XXYLT1: variants seen among roughly 807,000 people sequenced by gnomAD.
XXYLT1 encodes xyloside xylosyltransferase 1.
Under a neutral mutation model 28.9 loss-of-function variants are expected in XXYLT1, and 20 were observed. The ratio of observed to expected loss-of-function variants is 0.69; its 90% CI spans 0.49 to 1.00. The LOEUF (loss-of-function observed/expected upper bound fraction) is 1.00, where lower values mean the gene tolerates loss of function less well. Ranked by LOEUF, XXYLT1 falls within the 50% of genes least tolerant of loss-of-function variation. The pLI, the probability that XXYLT1 is intolerant of heterozygous loss-of-function variation, is 0.00. For missense variants in XXYLT1, 542 were observed against 560.1 expected, an observed-to-expected ratio of 0.97 and a Z score of 0.33; for synonymous variants, 257 against 253.8, an observed-to-expected ratio of 1.01 and a Z score of -0.12.
In XXYLT1 at chr3:195,236,801, G is replaced by A. The variant is rs150970889; in HGVS notation, c.505-9945C>T. ...TTATTCAGGGTCCAGGGGCTCTTTCGTCAGCAGGTGATGATTCCTGCCATT... is the reference window on the plus strand; with the variant it reads ...TTATTCAGGGTCCAGGGGCTCTTTCATCAGCAGGTGATGATTCCTGCCATT... On this transcript the variant is annotated intron_variant, in intron 1 of 3. Transcript: ENST00000310380. 5.9e-4 allele frequency among the ~76,000 whole-genome samples: 90 copies of A among 151,782 alleles called. 1 individual carries two copies. The East Asian group carries it at 6.6e-3, about 11-fold the overall frequency.
rs570371399 is a variant in XXYLT1 at position 195,165,910 on chromosome 3, C to T, written c.653-9329G>A. The stretch of plus-strand genomic sequence containing the variant: ...CATATTTTGCCTCATTGAATCCTCA[C>T]ACACAGGGCTTACTGTCCCCATTCT... On this transcript the variant is annotated intron_variant, in intron 2 of 3. Transcript: ENST00000310380. Among the ~76,000 whole-genome samples the T allele has an allele frequency of 1.1e-4, 17 of 152,280 alleles. No individual in the cohort carries two copies. The South Asian group carries it at 1.7e-3, about 15-fold the overall frequency.
At chr3:195,162,493 A>G (rs761913664) in intron 2 of XXYLT1, among the ~76,000 whole-genome samples, 3 of 152,248 alleles carry the variant, frequency 2.0e-5, no homozygotes, top group Non-Finnish European at 2.9e-5. Flanking sequence ...CCAGTTTCAT[A>G]TATTCGCTGT....
At chr3:195,229,373 T>TA (rs1335291416) in intron 1 of XXYLT1, among the ~76,000 whole-genome samples, 1 of 152,198 alleles carries the variant, frequency 6.6e-6, no homozygotes, top group Non-Finnish European at 1.5e-5. Flanking sequence ...ACCTCAAGCA[T>TA]TTATCCTTTG....
intron 3 of XXYLT1, among the ~76,000 whole-genome samples, chr3:195,110,321 A>AGGTGTAT (rs1350326039): frequency 7.3e-4 from 6 of 8,204 alleles, no homozygotes; most frequent in African/African-American, 1.1e-3. Context: ...TGTGTGGGTG[A>AGGTGTAT]GGGTGAGGTG....
intron 1 of XXYLT1, among the ~76,000 whole-genome samples, chr3:195,246,165 A>G (rs1293312722): frequency 6.6e-6 from 1 of 152,012 alleles, no homozygotes; most frequent in Admixed American, 6.6e-5. Context: ...GCTAAAATAA[A>G]CCCCTTCTCT....
chr3:195,098,551 T>TCAACAA (rs955881514), intron 3 of XXYLT1, among the ~76,000 whole-genome samples: 1 of 152,160 alleles, frequency 6.6e-6, no homozygotes, highest in African/African-American at 2.4e-5. Flanking sequence ...AGAGACTGTC[T>TCAACAA]CAACAACAAC....
chr3:195,215,385 TAAAG>T (rs1342037457), intron 2 of XXYLT1, among the ~76,000 whole-genome samples: 1 of 115,418 alleles, frequency 8.7e-6, no homozygotes, highest in East Asian at 2.4e-4. Flanking sequence ...GCAAATTGGA[TAAAG>T]AGTCAAGACC....
In XXYLT1 at chr3:195,087,751, T is replaced by C. The variant is rs184574433; in HGVS notation, c.786-17640A>G. Among the ~76,000 whole-genome samples the C allele has an allele frequency of 2.7e-3, 409 of 152,300 alleles. 2 individuals are homozygous for C. The highest frequency in any genetic ancestry group is 4.6e-3 in the Non-Finnish European group (313 of 68,020). On this transcript the variant is annotated intron_variant, in intron 3 of 3. Transcript: ENST00000310380. The stretch of plus-strand genomic sequence containing the variant: ...GAGCGACGCAGAAGACGGTGATTTC[T>C]GCATTTCCATCTGAGGTACCGGGTT...
chr3:195,211,594 C>A (rs952397847), intron 2 of XXYLT1, among the ~76,000 whole-genome samples: 23 of 152,144 alleles, frequency 1.5e-4, no homozygotes, highest in African/African-American at 5.1e-4. Flanking sequence ...AACTTCCTGC[C>A]CCCATGGAGC....
chr3:195,247,616 C>T (rs1197522292), intron 1 of XXYLT1, among the ~76,000 whole-genome samples: 1 of 152,210 alleles, frequency 6.6e-6, no homozygotes, highest in Non-Finnish European at 1.5e-5. Context: ...AGCTGGAGCC[C>T]AAGGGGGAGA....
intron 1 of XXYLT1, chr3:195,247,682 T>A (rs1725085394): frequency 1.6e-6 from 1 of 606,856 alleles, no homozygotes; most frequent in Non-Finnish European, 3.0e-6. Context: ...CAGGGCAGGC[T>A]CAGCTGCTGT....
chr3:195,144,942 T>A (rs938208179), intron 3 of XXYLT1, among the ~76,000 whole-genome samples: 4 of 152,182 alleles, frequency 2.6e-5, no homozygotes, highest in African/African-American at 9.7e-5. Context: ...CTCTGGTTAT[T>A]CTTTGTAAAT....
chr3:195,194,718 T>C (rs1433124187), intron 2 of XXYLT1, among the ~76,000 whole-genome samples: 1 of 152,128 alleles, frequency 6.6e-6, no homozygotes, highest in Non-Finnish European at 1.5e-5. Flanking sequence ...GAACACTGTG[T>C]AACAAATTGA....
intron 1 of XXYLT1, among the ~76,000 whole-genome samples, chr3:195,246,300 C>A (rs922474568): frequency 2.0e-5 from 3 of 152,216 alleles, no homozygotes; most frequent in Non-Finnish European, 4.4e-5. Flanking sequence ...GGATCCAGTG[C>A]CCTCTCTGTG....
In XXYLT1 at chr3:195,113,683, C is replaced by T. The variant is rs887930361; in HGVS notation, c.785+42766G>A. On this transcript the variant is annotated intron_variant, in intron 3 of 3. Transcript: ENST00000310380. Reference sequence around the variant, plus strand: ...GCCATTCATTCCACAAACACCTACTCGGAGCCAGGCCTGGGAATGCCGAGC... The same window carrying T: ...GCCATTCATTCCACAAACACCTACTTGGAGCCAGGCCTGGGAATGCCGAGC... Among the ~76,000 whole-genome samples, 6 of 152,092 alleles carry T rather than the reference C, an allele frequency of 3.9e-5. No homozygotes were observed. In the East Asian group the frequency reaches 5.8e-4, roughly 15 times the overall value.
intron 1 of XXYLT1, among the ~76,000 whole-genome samples, chr3:195,250,627 A>T (rs1056942012): frequency 9.9e-5 from 15 of 151,896 alleles, no homozygotes; most frequent in Admixed American, 3.3e-4. Context: ...CTGCTGACAC[A>T]CGGTATAATG....
At chr3:195,128,164 T>C (rs1246594639) in intron 3 of XXYLT1, among the ~76,000 whole-genome samples, 1 of 152,156 alleles carries the variant, frequency 6.6e-6, no homozygotes, top group Non-Finnish European at 1.5e-5. Flanking sequence ...CTTTCTAGCA[T>C]GCAGTCCTAG....
intron 3 of XXYLT1, among the ~76,000 whole-genome samples, chr3:195,075,870 T>C (rs2720950): frequency 0.36 from 54,307 of 152,098 alleles, 10,816 homozygotes; most frequent in East Asian, 0.75. Flanking sequence ...GGCGCGGCTG[T>C]TGCTTTGCAG....
At position 195,271,082 on chromosome 3, in the gene XXYLT1, C is replaced by T. The variant is rs965557298; in HGVS notation, c.-24G>A. ...ATGCGCTACGAGACCGCGGCGCCAG[C>T]GGTGCCAGCAACGCGGGAGAGCCCT... is the stretch of plus-strand genomic sequence containing the variant. On this transcript the variant is annotated 5_prime_UTR_variant, in exon 1 of 4. Coordinates refer to ENST00000310380, the MANE Select transcript of XXYLT1 (RefSeq NM_152531.5). The T allele has an allele frequency of 9.9e-6, 13 of 1,313,240 alleles. No homozygotes were observed. Among genetic ancestry groups the T allele is most frequent in the South Asian group, 2.1e-5 (1 of 48,386 alleles). The allele number at this position is 1,313,240 out of a possible 1,614,324, so 81.3% of individuals were successfully genotyped here.
Sources: gnomAD v4.1 joint callset for allele counts (sites outside exome capture counted in the v4.1 genomes callset) on GRCh38, gnomAD v4.1.1 for gene constraint, MANE v1.5 for transcripts, NCBI Gene and HGNC (gene_info 2026-07-23, HGNC 2026-07-21) for gene names.